CACNA1H: variants seen among roughly 807,000 people sequenced by gnomAD.
The protein encoded by CACNA1H is voltage-dependent T-type calcium channel subunit alpha-1H.
A neutral mutation model predicts 192.5 loss-of-function variants in CACNA1H; 149 were observed. That is an observed-to-expected ratio of 0.77 (90% CI 0.68 to 0.89). The LOEUF is 0.89. Ranked by LOEUF, CACNA1H falls within the 40% of genes least tolerant of loss-of-function variation. The pLI, the probability that CACNA1H is intolerant of heterozygous loss-of-function variation, is 0.00. For missense variants in CACNA1H, 4,257 were observed against 3,423.5 expected (o/e 1.24, Z -6.08); for synonymous variants, 2,202 against 1,475.2 (o/e 1.49, Z -11.29).
At chr16:1,181,468 C>T (rs1273047180) in intron 2 of CACNA1H, among the ~76,000 whole-genome samples, 1 of 152,236 alleles carries the variant, frequency 6.6e-6, no homozygotes, top group Non-Finnish European at 1.5e-5. Context: ...GGTGGTCGTG[C>T]CCCCGAGGTC....
rs776023990 is a variant in CACNA1H at position 1,211,566 on chromosome 16, G to A, written c.4436G>A (p.Arg1479His). ...TKAQCRAAHY[R>H]WVRRKYNFDN... ...GCACAGTGCCGGGCCGCCCACTACCGCTGGGTGCGACGCAAGTACAACTTC... is the reference window on the plus strand; with the variant it reads ...GCACAGTGCCGGGCCGCCCACTACCACTGGGTGCGACGCAAGTACAACTTC... The change falls in exon 23 of 35, where the codon CGC becomes CAC. Residue 1479 changes from arginine to histidine, a missense_variant. Physicochemically the swap from Arg to His is conservative, Grantham distance 29 (BLOSUM62 0). Transcript: ENST00000348261. The A allele has an allele frequency of 8.7e-6, 14 of 1,611,216 alleles. No individual in the cohort carries two copies. The highest frequency in any genetic ancestry group is 4.4e-5 in the South Asian group (4 of 90,922).
chr16:1,214,724 A>G (rs565981426), intron 27 of CACNA1H, among the ~76,000 whole-genome samples: 8 of 152,010 alleles, frequency 5.3e-5, no homozygotes, highest in Admixed American at 4.6e-4. Flanking sequence ...AGTGGCATTC[A>G]GCTGGTCTTG....
intron 30 of CACNA1H, among the ~76,000 whole-genome samples, chr16:1,216,340 C>G (rs1273494913): frequency 6.6e-6 from 1 of 152,272 alleles, no homozygotes; most frequent in Non-Finnish European, 1.5e-5. Context: ...ACCAGGTGCT[C>G]AGCTGTGCAG....
rs1966102503 is a variant in CACNA1H at position 1,186,732 on chromosome 16, A to G, written c.300-8240A>G. On this transcript the variant is annotated intron_variant, in intron 2 of 34. Transcript: ENST00000348261. ...CGCCTCCTCAACGGGTGGCCACGTA[A>G]TGCTTCCTGGCCGGTGAATGTGCCA... is the stretch of plus-strand genomic sequence containing the variant. Among the ~76,000 whole-genome samples, 6 of 152,088 alleles carry G rather than the reference A, an allele frequency of 3.9e-5. No homozygotes were observed. The South Asian group carries it at 1.2e-3, about 32-fold the overall frequency.
chr16:1,209,365 G>T lies in CACNA1H; in HGVS notation c.3697G>T (p.Asp1233Tyr). The change falls in exon 17 of 35, where the codon GAC (aspartate) becomes TAC (tyrosine). Residue 1233 changes from aspartate to tyrosine, a missense_variant. Transcript: ENST00000348261. ...GCCCAGCGACTTCTTCCTGCGCATC[G>T]ACAGCCACCGTGAGGATGCAGCCGA... ...ALPSDFFLRIDSHREDAAELD... is the reference protein window; with the variant it reads ...ALPSDFFLRIYSHREDAAELD... 6.3e-7 allele frequency: 1 copy of T among 1,597,986 alleles called. No individual in the cohort carries two copies. The highest frequency in any genetic ancestry group is 2.2e-5 in the East Asian group (1 of 44,860).
chr16:1,184,037 C>T (rs4984767), intron 2 of CACNA1H, among the ~76,000 whole-genome samples: 138,021 of 152,246 alleles, frequency 0.91, 62,788 homozygotes, highest in East Asian at 1. Context: ...CAAGGCCAGC[C>T]GGGCTGTGCC....
At chr16:1,160,301 C>CT (rs1249036869) in intron 2 of CACNA1H, 4 of 152,350 alleles carry the variant, frequency 2.6e-5, no homozygotes, top group South Asian at 2.1e-4. Flanking sequence ...TGGAACAACT[C>CT]TAAGTCACGC....
intron 16 of CACNA1H, 129 bp from the exon 17 acceptor site, chr16:1,208,903 C>G: frequency 9.8e-7 from 1 of 1,018,932 alleles, no homozygotes; most frequent in Non-Finnish European, 1.3e-6. Context: ...ACAGCCTCCA[C>G]CGTGCCTCCC....
chr16:1,172,228 A>C (rs967058262), intron 2 of CACNA1H, among the ~76,000 whole-genome samples: 24 of 151,516 alleles, frequency 1.6e-4, no homozygotes, highest in African/African-American at 5.3e-4. Flanking sequence ...TTCCTGCCTG[A>C]CCCCGCCCCT....
chr16:1,175,431 C>G (rs897986215), intron 2 of CACNA1H, among the ~76,000 whole-genome samples: 1 of 152,142 alleles, frequency 6.6e-6, no homozygotes, highest in Non-Finnish European at 1.5e-5. Context: ...GTCTGGGGCC[C>G]TCAGGACTCC....
At chr16:1,157,819 CT>C (rs1170683666) in intron 2 of CACNA1H, 10 of 152,300 alleles carry the variant, frequency 6.6e-5, no homozygotes, top group African/African-American at 2.4e-4. Flanking sequence ...CAGGGTGGGG[CT>C]TGGCAGAGTC....
rs199949385 is a variant in CACNA1H at position 1,195,099 on chromosome 16, C to T, written c.411+16C>T. 20 of 880,348 alleles carry T rather than the reference C, an allele frequency of 2.3e-5. No individual in the cohort carries two copies. Among genetic ancestry groups the T allele is most frequent in the Admixed American group, 3.0e-5 (1 of 33,654 alleles). The allele number at this position is 880,348 out of a possible 1,614,324, so 54.5% of individuals were successfully genotyped here. A position where few individuals can be genotyped will look rare whatever the true frequency, so the allele number is the denominator to read the frequency against. On this transcript the variant is annotated intron_variant, in intron 3 of 34. Coordinates refer to ENST00000348261, the MANE Select transcript of CACNA1H (RefSeq NM_021098.3). ...CATCCTGGAGGTGAGGGGCGTGGGTCGGGGTGGGGAAGGAGCGTGGGTCGC... is the reference window on the plus strand; with the variant it reads ...CATCCTGGAGGTGAGGGGCGTGGGTTGGGGTGGGGAAGGAGCGTGGGTCGC...
rs556298319 is a variant in CACNA1H at position 1,201,305 on chromosome 16, C to G, written c.1213-358C>G. 2.6e-5 allele frequency among the ~76,000 whole-genome samples: 4 copies of G among 152,240 alleles called. No individual in the cohort carries two copies. The South Asian group carries it at 8.3e-4, about 32-fold the overall frequency. On this transcript the variant is annotated intron_variant, in intron 8 of 34. Coordinates refer to ENST00000348261, the MANE Select transcript of CACNA1H (RefSeq NM_021098.3). Reference sequence around the variant, plus strand: ...CGAACGATTAGAGACTTGCTGCACGCTGGTCCATGCTAAGGAGGAAACGCA... The same window carrying G: ...CGAACGATTAGAGACTTGCTGCACGGTGGTCCATGCTAAGGAGGAAACGCA...
chr16:1,205,124 T>C lies in CACNA1H; in HGVS notation c.2462T>C (p.Leu821Pro), dbSNP rs2141288117. ...CACCTCTGCCTGCAGCCCGAGGAGC[T>C]GACTAATGCTCTGGAGATCAGCAAC... The part of the protein sequence containing the change: ...GVEYHEQPEE[L>P]TNALEISNIV... The change falls in exon 11 of 35, where the codon CTG becomes CCG. Residue 821 changes from leucine (L) to proline (P), a missense_variant. By Grantham distance (98) the Leu-to-Pro change is moderately conservative (BLOSUM62 -3). Coordinates refer to ENST00000348261, the MANE Select transcript of CACNA1H (RefSeq NM_021098.3). The C allele has an allele frequency of 6.2e-7, 1 of 1,611,986 alleles. No homozygotes were observed. Among genetic ancestry groups the C allele is most frequent in the East Asian group, 2.2e-5 (1 of 44,870 alleles).
chr16:1,167,972 G>A lies in CACNA1H; in HGVS notation c.299+13936G>A, dbSNP rs1963966702. Among the ~76,000 whole-genome samples the A allele has an allele frequency of 1.3e-5, 2 of 152,296 alleles. No individual in the cohort carries two copies. The highest frequency in any genetic ancestry group is 4.1e-4 in the South Asian group (2 of 4,830). ...TGTTCCCCGGGGCTGCCTGGAGGCG[G>A]CCGCTTGTCCCCAAGGCCTGGTGAC... On this transcript the variant is annotated intron_variant, in intron 2 of 34. Coordinates refer to ENST00000348261, the MANE Select transcript of CACNA1H (RefSeq NM_021098.3). The surrounding 1 kb of genome is among the most constrained non-coding windows in gnomAD (Gnocchi z 4.2).
chr16:1,198,310 C>G (rs1290403272), intron 5 of CACNA1H, among the ~76,000 whole-genome samples: 1 of 152,174 alleles, frequency 6.6e-6, no homozygotes, highest in Non-Finnish European at 1.5e-5. Context: ...CCTCCACACC[C>G]CAGCCCTCCA....
At chr16:1,216,152 C>T (rs1287831301) in intron 30 of CACNA1H, among the ~76,000 whole-genome samples, 1 of 152,194 alleles carries the variant, frequency 6.6e-6, no homozygotes, top group Non-Finnish European at 1.5e-5. Context: ...CCAACCCCCA[C>T]GGCTGCCTAT....
chr16:1,180,027 G>A lies in CACNA1H; in HGVS notation c.300-14945G>A, dbSNP rs1395523390. Among the ~76,000 whole-genome samples, 3 of 152,224 alleles carry A rather than the reference G, an allele frequency of 2.0e-5. No homozygotes were observed. The highest frequency in any genetic ancestry group is 2.9e-5 in the Non-Finnish European group (2 of 68,030). ...TGGGATAACAGGCGTGAGCCACCAT[G>A]CCCGGCCCGGCCTTGTTTTTTAATA... On this transcript the variant is annotated intron_variant, in intron 2 of 34. Transcript: ENST00000348261. The surrounding 1 kb of genome is among the most constrained non-coding windows in gnomAD (Gnocchi z 4.4).
intron 2 of CACNA1H, among the ~76,000 whole-genome samples, chr16:1,178,680 C>T (rs879703315): frequency 2.6e-5 from 4 of 152,292 alleles, no homozygotes; most frequent in Admixed American, 1.3e-4. Context: ...AGGGGCCACA[C>T]TGTCCCTCGG....
Sources: allele counts gnomAD v4.1 joint callset (sites outside exome capture counted in the v4.1 genomes callset), GRCh38; gene constraint gnomAD v4.1.1; non-coding constraint Gnocchi (gnomAD v3.1); transcripts MANE v1.5; gene names NCBI Gene and HGNC (gene_info 2026-07-23, HGNC 2026-07-21).